Variants in MAP3K13 observed in about 807,000 individuals in gnomAD.
MAP3K13 encodes the protein mitogen-activated protein kinase kinase kinase 13.
In MAP3K13, 52 loss-of-function variants were observed where a neutral mutation model predicts 104.0. That is an observed-to-expected ratio of 0.50 (90% CI 0.40 to 0.63). The LOEUF (loss-of-function observed/expected upper bound fraction) is 0.63. Ranked by LOEUF, MAP3K13 falls within the 20% of genes least tolerant of loss-of-function variation. MAP3K13 has a pLI of 0.00. For synonymous variants in MAP3K13, 394 were observed against 442.2 expected (o/e 0.89, Z 1.37); for missense variants, 914 against 1,218.5 (o/e 0.75, Z 3.72).
At chr3:185,362,929 A>AC, upstream of MAP3K13, 3 of 128,848 alleles carry the variant, frequency 2.3e-5, no homozygotes, top group African/African-American at 3.2e-5. Context: ...TCACAGCTTG[A>AC]AACACACACA....
chr3:185,454,927 A>G (rs1159586706), intron 7 of MAP3K13, among the ~76,000 whole-genome samples: 2 of 118,378 alleles, frequency 1.7e-5, no homozygotes, highest in African/African-American at 6.5e-5. Context: ...TGAGATATAT[A>G]TATGATATAT....
At chr3:185,331,686 G>T (rs1722289033) in intron 2 of MAP3K13, among the ~76,000 whole-genome samples, 2 of 152,056 alleles carry the variant, frequency 1.3e-5, no homozygotes. Context: ...TTTTTGAATA[G>T]ATGATATATT....
intron 1 of MAP3K13, among the ~76,000 whole-genome samples, chr3:185,414,996 A>T (rs1713664487): frequency 6.6e-6 from 1 of 152,038 alleles, no homozygotes; most frequent in Non-Finnish European, 1.5e-5. Flanking sequence ...ATATAGTGAG[A>T]TCCTGTCACT....
At chr3:185,299,667 C>T (rs1193751596) in intron 2 of MAP3K13, among the ~76,000 whole-genome samples, 1 of 30,974 alleles carries the variant, frequency 3.2e-5, no homozygotes, top group East Asian at 9.3e-4. Context: ...CCCGGGTTCA[C>T]GCCATTCTCC....
chr3:185,337,350 A>C (rs1332514524), intron 2 of MAP3K13, among the ~76,000 whole-genome samples: 1 of 152,256 alleles, frequency 6.6e-6, no homozygotes. Context: ...GATGTTTCAC[A>C]GACACTCACA....
At chr3:185,295,801 TAC>T (rs1001355301) in intron 2 of MAP3K13, among the ~76,000 whole-genome samples, 1 of 152,238 alleles carries the variant, frequency 6.6e-6, no homozygotes, top group Non-Finnish European at 1.5e-5. Context: ...CATGTTTTAT[TAC>T]ACTGTATGCC....
At chr3:185,420,619 C>T (rs889919459) in intron 1 of MAP3K13, among the ~76,000 whole-genome samples, 21 of 152,188 alleles carry the variant, frequency 1.4e-4, no homozygotes, top group Admixed American at 9.8e-4. Flanking sequence ...AGCTCAGTGT[C>T]AATCAATAAA....
At chr3:185,316,128 A>G (rs894748518) in intron 2 of MAP3K13, among the ~76,000 whole-genome samples, 5 of 152,220 alleles carry the variant, frequency 3.3e-5, no homozygotes, top group African/African-American at 1.2e-4. Flanking sequence ...TTGGTTACAA[A>G]TATATTTGAG....
At chr3:185,360,971 T>C (rs1723584192), upstream of MAP3K13, among the ~76,000 whole-genome samples, 1 of 151,610 alleles carries the variant, frequency 6.6e-6, no homozygotes, top group Non-Finnish European at 1.5e-5. Context: ...GGATTACAGA[T>C]GTGTGCCACC....
At chr3:185,333,437 A>G (rs1722355508) in intron 2 of MAP3K13, among the ~76,000 whole-genome samples, 1 of 152,258 alleles carries the variant, frequency 6.6e-6, no homozygotes, top group Admixed American at 6.5e-5. Context: ...CAGAAAAGAA[A>G]TAAAACTGTC....
At chr3:185,387,859 A>G (rs1189971576) in intron 1 of MAP3K13, among the ~76,000 whole-genome samples, 1 of 152,162 alleles carries the variant, frequency 6.6e-6, no homozygotes, top group East Asian at 1.9e-4. Context: ...AAATTGGAAA[A>G]GAGGAAGTCA....
chr3:185,441,109 G>A (rs1185785776), intron 3 of MAP3K13, among the ~76,000 whole-genome samples: 1 of 152,146 alleles, frequency 6.6e-6, no homozygotes, highest in East Asian at 1.9e-4. Flanking sequence ...TCCCAGCTCT[G>A]TCACTTATTA....
At chr3:185,413,699 G>C (rs1026213400) in intron 1 of MAP3K13, among the ~76,000 whole-genome samples, 1 of 152,112 alleles carries the variant, frequency 6.6e-6, no homozygotes, top group African/African-American at 2.4e-5. Context: ...GCACGCACCT[G>C]TAGTCCCAGC....
At chr3:185,372,910 G>A (rs1310693085) in intron 1 of MAP3K13, among the ~76,000 whole-genome samples, 1 of 152,050 alleles carries the variant, frequency 6.6e-6, no homozygotes. Flanking sequence ...TCACTCCAAG[G>A]GAATACCTGT....
intron 1 of MAP3K13, among the ~76,000 whole-genome samples, chr3:185,415,577 C>CTTTTT (rs869297992): frequency 2.7e-4 from 20 of 72,982 alleles, no homozygotes; most frequent in African/African-American, 5.4e-4. Flanking sequence ...GGGTTAATTT[C>CTTTTT]TTTTTTTTTT....
At chr3:185,325,793 A>G (rs572990035) in intron 2 of MAP3K13, among the ~76,000 whole-genome samples, 1 of 152,140 alleles carries the variant, frequency 6.6e-6, no homozygotes, top group Non-Finnish European at 1.5e-5. Flanking sequence ...CTCTCCCCAC[A>G]GTTACAGGGT....
At chr3:185,356,183 T>A (rs1287070374) in intron 2 of MAP3K13, among the ~76,000 whole-genome samples, 1 of 150,584 alleles carries the variant, frequency 6.6e-6, no homozygotes, top group African/African-American at 2.4e-5. Context: ...CATGTGAGAG[T>A]TAGAAGACAG....
chr3:185,466,757 G>A (rs1456574215), intron 9 of MAP3K13, 69 bp from the exon 10 acceptor site: 8 of 1,549,254 alleles, frequency 5.2e-6, no homozygotes, highest in South Asian at 4.5e-5. Context: ...AGAATTAGCC[G>A]GTGAAAATAT....
In MAP3K13 at chr3:185,473,302, T is replaced by C. The variant is rs1466736749; in HGVS notation, c.1971T>C (p.Asn657=). The C allele has an allele frequency of 1.9e-6, 3 of 1,614,060 alleles. No individual in the cohort carries two copies. The highest frequency in any genetic ancestry group is 2.5e-6 in the Non-Finnish European group (3 of 1,180,044). Residue 657 remains asparagine (N), a synonymous_variant, in exon 11 of 14, where the codon AAT becomes AAC. Transcript: ENST00000265026. This position sits in a 1 kb window ranked among gnomAD's most constrained non-coding sequence, Gnocchi z 4.9. The part of the protein sequence containing the change: ...AMSQSHHPRL[N]MHGQDIATCA... ...CCCAGAGTCACCATCCCAGACTCAATATGCACGGACAGGACATAGCAACCT... is the reference window on the plus strand; with the variant it reads ...CCCAGAGTCACCATCCCAGACTCAACATGCACGGACAGGACATAGCAACCT...
Sources: allele counts gnomAD v4.1 joint callset (sites outside exome capture counted in the v4.1 genomes callset), GRCh38; gene constraint gnomAD v4.1.1; non-coding constraint Gnocchi (gnomAD v3.1); transcripts MANE v1.5; gene names NCBI Gene and HGNC (gene_info 2026-07-23, HGNC 2026-07-21).